MIEN1: variants seen among roughly 807,000 people sequenced by gnomAD.
MIEN1 encodes the protein HBV X-transactivated gene 4 protein.
Under a neutral mutation model 15.5 loss-of-function variants are expected in MIEN1, and 12 were observed. That is an observed-to-expected ratio of 0.78 (90% CI 0.50 to 1.26). The LOEUF (loss-of-function observed/expected upper bound fraction) is 1.26, where lower values mean the gene tolerates loss of function less well. Among genes scored for constraint, MIEN1 ranks in the 50% most tolerant of loss-of-function variants. The pLI is 0.00. For synonymous variants in MIEN1, 63 were observed against 62.8 expected, an observed-to-expected ratio of 1.00 and a Z score of -0.02; for missense variants, 160 against 151.7, an observed-to-expected ratio of 1.05 and a Z score of -0.29.
At chr17:39,730,086 CCAGGCACTG>C (rs1432927212) in intron 2 of MIEN1, 99 bp downstream of exon 2, 5 of 1,074,128 alleles carry the variant, frequency 4.7e-6, no homozygotes, top group Non-Finnish European at 6.8e-6. Context: ...TTACCATGTG[CCAGGCACTG>C]CGGGCACTTT....
chr17:39,729,990 C>T, intron 2 of MIEN1: 1 of 696,516 alleles, frequency 1.4e-6, no homozygotes, highest in Non-Finnish European at 2.4e-6. Flanking sequence ...TCCAACCCTA[C>T]ACGATTGCAG....
At chr17:39,729,932 G>T (rs2059926306) in intron 2 of MIEN1, 171 bp from the exon 3 acceptor site, 3 of 839,102 alleles carry the variant, frequency 3.6e-6, no homozygotes, top group Non-Finnish European at 5.5e-6. Context: ...CCTGAGGGAG[G>T]CCTCGCCTGT....
In MIEN1 at chr17:39,730,193, C is replaced by T; in HGVS notation, c.187+1G>A. On this transcript the variant is annotated splice_donor_variant, in intron 2 of 3. Transcript: ENST00000394231. LOFTEE classifies it high-confidence loss of function. ...CCCAGCAGGTGTTCTGCGAGCCTCA[C>T]CTGTGCCCCCGAGGCGCGACTCGAT... The T allele has an allele frequency of 1.2e-6, 2 of 1,602,272 alleles. No individual in the cohort carries two copies. Among genetic ancestry groups the T allele is most frequent in the Non-Finnish European group, 1.7e-6 (2 of 1,177,518 alleles).
In MIEN1 at chr17:39,729,496, G is replaced by T. The variant is rs370967916; in HGVS notation, c.*26C>A. On this transcript the variant is annotated 3_prime_UTR_variant, in exon 4 of 4. Coordinates refer to ENST00000394231, the MANE Select transcript of MIEN1 (RefSeq NM_032339.5). ...AGACCAAGGTTTGGACCCCAGAACA[G>T]AGCAGGAACCCAGAGTCCTGTGCAG... is the stretch of plus-strand genomic sequence containing the variant. The T allele has an allele frequency of 6.2e-7, 1 of 1,612,884 alleles. No homozygotes were observed. Among genetic ancestry groups the T allele is most frequent in the Admixed American group, 1.7e-5 (1 of 60,024 alleles).
rs757658742 is a variant in MIEN1, at chr17:39,729,603, G to A, written c.267C>T (p.Leu89=). The stretch of plus-strand genomic sequence containing the variant: ...TACTGGCTCTTCGGATGGCCTCAAT[G>A]AGCTAGAGGAGTGGAATGACAGGAT... ...ENGGFPYEKD[L]IEAIRRASNG... Residue 89 remains leucine (L), a splice_region_variant and synonymous_variant, in exon 4 of 4, where the codon CTC becomes CTT. Coordinates refer to ENST00000394231, the MANE Select transcript of MIEN1 (RefSeq NM_032339.5). 2.5e-6 allele frequency: 4 copies of A among 1,614,092 alleles called. No individual in the cohort carries two copies. The highest frequency in any genetic ancestry group is 3.4e-6 in the Non-Finnish European group (4 of 1,179,982).
intron 2 of MIEN1, chr17:39,729,969 A>C (rs1597895803): frequency 2.9e-6 from 2 of 699,032 alleles, no homozygotes; most frequent in Non-Finnish European, 4.7e-6. Flanking sequence ...TCAATAAAGG[A>C]CTCCCTCCCC....
intron 1 of MIEN1, 41 bp from the exon 2 acceptor site, chr17:39,730,332 G>A (rs1383298572): frequency 6.4e-7 from 1 of 1,570,614 alleles, no homozygotes; most frequent in Non-Finnish European, 8.6e-7. Context: ...GGATTCGGGG[G>A]TGGGGCCTCC....
At chr17:39,730,106 A>T in intron 2 of MIEN1, 88 bp downstream of exon 2, 2 of 1,279,140 alleles carry the variant, frequency 1.6e-6, no homozygotes, top group Non-Finnish European at 2.2e-6. Flanking sequence ...CGGGCACTTT[A>T]CATAAAGCAG....
Position 39,728,563 on chromosome 17 carries a change from G to A in MIEN1, c.*959C>T, listed in dbSNP as rs2059900833. 1 of 233,534 alleles carries A rather than the reference G, an allele frequency of 4.3e-6. No individual in the cohort carries two copies. The highest frequency in any genetic ancestry group is 8.5e-6 in the Non-Finnish European group (1 of 118,286). The allele number at this position is 233,534 out of a possible 1,614,324, so 14.5% of individuals were successfully genotyped here. A position where few individuals can be genotyped will look rare whatever the true frequency, so the allele number is the denominator to read the frequency against. On this transcript the variant is annotated 3_prime_UTR_variant, in exon 4 of 4. Transcript: ENST00000394231. Reference sequence around the variant, plus strand: ...TTTGTTTTTTTAAAGATGAAATAAAGACCCAGGGGGAGAATGGGTGTTGTA... The same window carrying A: ...TTTGTTTTTTTAAAGATGAAATAAAAACCCAGGGGGAGAATGGGTGTTGTA...
chr17:39,729,551 T>C lies in MIEN1; in HGVS notation c.319A>G (p.Asn107Asp), dbSNP rs1038212272. 1 of 1,613,964 alleles carries C rather than the reference T, an allele frequency of 6.2e-7. No homozygotes were observed. Among genetic ancestry groups the C allele is most frequent in the African/African-American group, 1.3e-5 (1 of 74,898 alleles). ...AGGATGACGCAGGGAGGACGGCTGT[T>C]GGTGATCTTTTCTAGGGTTTCTCCA... ...SNGETLEKIT[N>D]SRPPCVIL Residue 107 changes from asparagine (N) to aspartate (D), a missense_variant, in exon 4 of 4, where the codon AAC (asparagine) becomes GAC (aspartate). Coordinates refer to ENST00000394231, the MANE Select transcript of MIEN1 (RefSeq NM_032339.5).
rs2059923693 is a variant in MIEN1 at position 39,729,706 on chromosome 17, C to T, written c.243G>A (p.Gly81=). ...GQLVFSKLEN[G]GFPYEKDLIE... is the part of the protein sequence containing the mutation. ...TCACATCTTTCTCATAGGGAAAGCC[C>T]CCATTCTCCAGCTTGGAGAACACCA... Residue 81 remains glycine, a synonymous_variant, in exon 3 of 4, where the codon GGG becomes GGA. Coordinates refer to ENST00000394231, the MANE Select transcript of MIEN1 (RefSeq NM_032339.5). 1.9e-6 allele frequency: 3 copies of T among 1,613,980 alleles called. No homozygotes were observed. The highest frequency in any genetic ancestry group is 1.3e-5 in the African/African-American group (1 of 74,894).
At position 39,729,415 on chromosome 17, in the gene MIEN1, G is replaced by T; in HGVS notation, c.*107C>A. 7.1e-7 allele frequency: 1 copy of T among 1,418,352 alleles called. No homozygotes were observed. The highest frequency in any genetic ancestry group is 9.7e-7 in the Non-Finnish European group (1 of 1,025,654). 87.9% of individuals were successfully genotyped at this position (1,418,352 alleles called of 1,614,324 possible). A position where few individuals can be genotyped will look rare whatever the true frequency, so the allele number is the denominator to read the frequency against. ...GCAAAGTGGAGGCCAGGGTCTCTTT[G>T]CTAAGGAGCTAAGTAGGGGAAAGAG... On this transcript the variant is annotated 3_prime_UTR_variant, in exon 4 of 4. Coordinates refer to ENST00000394231, the MANE Select transcript of MIEN1 (RefSeq NM_032339.5).
At chr17:39,730,157 GCA>G (rs2059928699) in intron 2 of MIEN1, 35 bp downstream of exon 2, 2 of 1,558,224 alleles carry the variant, frequency 1.3e-6, no homozygotes, top group Admixed American at 1.8e-5. Flanking sequence ...GGGATTCAGA[GCA>G]CAGACTGACC....
chr17:39,729,726 A>C lies in MIEN1; in HGVS notation c.223T>G (p.Phe75Val). ...AAGCCCCCATTCTCCAGCTTGGAGA[A>C]CACCAGCTGTCCATTTATCTCTATC... ...FEIEINGQLVFSKLENGGFPY... is the reference protein window; with the variant it reads ...FEIEINGQLVVSKLENGGFPY... The change falls in exon 3 of 4, where the codon TTC becomes GTC. Residue 75 changes from phenylalanine (F) to valine (V), a missense_variant. By Grantham distance (50) the Phe-to-Val change is conservative. Coordinates refer to ENST00000394231, the MANE Select transcript of MIEN1 (RefSeq NM_032339.5). The C allele has an allele frequency of 6.2e-7, 1 of 1,614,138 alleles. No homozygotes were observed. The highest frequency in any genetic ancestry group is 8.5e-7 in the Non-Finnish European group (1 of 1,180,012).
intron 2 of MIEN1, chr17:39,729,971 T>C: frequency 1.4e-6 from 1 of 696,392 alleles, no homozygotes; most frequent in Non-Finnish European, 2.4e-6. Flanking sequence ...AATAAAGGAC[T>C]CCCTCCCCTC....
rs752906949 is a variant in MIEN1, at chr17:39,730,175, G to A, written c.187+19C>T. ...ATTCAGAGCACAGACTGACCCAGCA[G>A]GTGTTCTGCGAGCCTCACCTGTGCC... On this transcript the variant is annotated intron_variant, in intron 2 of 3. Transcript: ENST00000394231. The A allele has an allele frequency of 1.3e-6, 2 of 1,588,612 alleles. No homozygotes were observed. Among genetic ancestry groups the A allele is most frequent in the Non-Finnish European group, 1.7e-6 (2 of 1,170,960 alleles).
rs533803489 is a variant in MIEN1, at chr17:39,729,200, C to T, written c.*322G>A. On this transcript the variant is annotated 3_prime_UTR_variant, in exon 4 of 4. Coordinates refer to ENST00000394231, the MANE Select transcript of MIEN1 (RefSeq NM_032339.5). ...TTTACTGCCAATAGCTGACATTGCC[C>T]TGGGTTAGGGGAGAATAAATAAAAT... is the stretch of plus-strand genomic sequence containing the variant. 39 of 367,406 alleles carry T rather than the reference C, an allele frequency of 1.1e-4. No individual in the cohort carries two copies. Among genetic ancestry groups the T allele is most frequent in the Middle Eastern group, 7.7e-4 (1 of 1,306 alleles). 22.8% of individuals were successfully genotyped at this position (367,406 alleles called of 1,614,324 possible).
In MIEN1 at chr17:39,729,384, C is replaced by T. The variant is rs970284502; in HGVS notation, c.*138G>A. On this transcript the variant is annotated 3_prime_UTR_variant, in exon 4 of 4. Transcript: ENST00000394231. ...GAATCTTCTATTCCTTCTTTGTACC[C>T]AAAGGGCAAAGTGGAGGCCAGGGTC... The T allele has an allele frequency of 9.3e-7, 1 of 1,080,416 alleles. No homozygotes were observed. The highest frequency in any genetic ancestry group is 1.7e-5 in the African/African-American group (1 of 58,588). The allele number at this position is 1,080,416 out of a possible 1,614,324, so 66.9% of individuals were successfully genotyped here.
intron 1 of MIEN1, 49 bp downstream of exon 1, chr17:39,730,358 G>A (rs953616876): frequency 1.3e-6 from 2 of 1,557,130 alleles, no homozygotes; most frequent in Non-Finnish European, 1.7e-6. Flanking sequence ...ACCCACCTCC[G>A]TCCGGCCCGC....
Sources: allele counts gnomAD v4.1 joint callset, GRCh38; gene constraint gnomAD v4.1.1; transcripts MANE v1.5; gene names NCBI Gene and HGNC (gene_info 2026-07-23, HGNC 2026-07-21).